TRIP11: variants seen among roughly 807,000 people sequenced by gnomAD.
The protein encoded by TRIP11 is thyroid receptor-interacting protein 11.
In TRIP11, 148 loss-of-function variants were observed where a neutral mutation model predicts 223.1. That is an observed-to-expected ratio of 0.66 (90% CI 0.58 to 0.76). TRIP11 has a LOEUF of 0.76. Ranked by LOEUF, TRIP11 falls within the 30% of genes least tolerant of loss-of-function variation. The probability of loss-of-function intolerance (pLI) is 0.00; values close to 1 mark genes in which losing one functional copy is unlikely to be tolerated. For missense variants in TRIP11, 2,043 were observed against 2,222.0 expected (o/e 0.92, Z 1.62); for synonymous variants, 762 against 772.6 (o/e 0.99, Z 0.23).
intron 4 of TRIP11, among the ~76,000 whole-genome samples, chr14:92,019,890 A>T (rs1476775411): frequency 6.6e-6 from 1 of 152,170 alleles, no homozygotes; most frequent in African/African-American, 2.4e-5. Context: ...CTATGGGTAT[A>T]AAGTTTATAT....
At chr14:91,982,293 A>G (rs2056554691) in intron 16 of TRIP11, among the ~76,000 whole-genome samples, 1 of 152,234 alleles carries the variant, frequency 6.6e-6, no homozygotes, top group East Asian at 1.9e-4. Flanking sequence ...TTTTTTAAAA[A>G]GAGTAAATAT....
rs977921800 is a variant in TRIP11, at chr14:92,039,883, C to T, written c.-198G>A. 8.2e-6 allele frequency: 9 copies of T among 1,099,410 alleles called. No individual in the cohort carries two copies. In the African/African-American group the frequency reaches 1.4e-4, roughly 17 times the overall value. 68.1% of individuals were successfully genotyped at this position (1,099,410 alleles called of 1,614,324 possible). A position where few individuals can be genotyped will look rare whatever the true frequency, so the allele number is the denominator to read the frequency against. On this transcript the variant is annotated 5_prime_UTR_variant, in exon 1 of 21. Coordinates refer to ENST00000267622, the MANE Select transcript of TRIP11 (RefSeq NM_004239.4). Reference sequence around the variant, plus strand: ...GCCTGGCCTGGAATTTTACCAGGGGCCCGCCTCTAGTGACACAGTCACCTA... The same window carrying T: ...GCCTGGCCTGGAATTTTACCAGGGGTCCGCCTCTAGTGACACAGTCACCTA...
chr14:91,976,619 G>C (rs1454277230), intron 16 of TRIP11, among the ~76,000 whole-genome samples: 1 of 152,052 alleles, frequency 6.6e-6, no homozygotes, highest in African/African-American at 2.4e-5. Context: ...TTTTTGGTGA[G>C]CTGACTAAGA....
chr14:92,025,055 T>G (rs1443375298), intron 3 of TRIP11, among the ~76,000 whole-genome samples: 1 of 152,138 alleles, frequency 6.6e-6, no homozygotes, highest in Admixed American at 6.5e-5. Context: ...ATACAAAAAC[T>G]TTTTCTTCTT....
Position 92,007,586 on chromosome 14 carries a change from TGTTTA to T in TRIP11, c.1527+49_1527+53del, listed in dbSNP as rs1320866083. 13 of 1,557,588 alleles carry T rather than the reference TGTTTA, an allele frequency of 8.3e-6. No individual in the cohort carries two copies. The African/African-American group carries it at 1.2e-4, about 15-fold the overall frequency. On this transcript the variant is annotated intron_variant, in intron 10 of 20. Coordinates refer to ENST00000267622, the MANE Select transcript of TRIP11 (RefSeq NM_004239.4). Reference sequence around the variant, plus strand: ...AATTAAATCACACCCACCATTTCTGTGTTTAGTTTACTTAGTAGAATGTGCTGCCT... The same window carrying T: ...AATTAAATCACACCCACCATTTCTGTGTTTACTTAGTAGAATGTGCTGCCT...
rs2056740213 is a variant in TRIP11, at chr14:91,995,581, A to G, written c.4893-66T>C. 33 of 1,504,350 alleles carry G rather than the reference A, an allele frequency of 2.2e-5. No individual in the cohort carries two copies. The South Asian group carries it at 3.4e-4, about 16-fold the overall frequency. 93.2% of individuals were successfully genotyped at this position (1,504,350 alleles called of 1,614,324 possible). A position where few individuals can be genotyped will look rare whatever the true frequency, so the allele number is the denominator to read the frequency against. On this transcript the variant is annotated intron_variant, in intron 13 of 20. Transcript: ENST00000267622. ...TTAGATACTTTAACAAGAAGAAGCC[A>G]CCTTCCCTACATCTTATTACTTTAT...
intron 13 of TRIP11, 61 bp from the exon 14 acceptor site, chr14:91,995,576 A>G: frequency 6.4e-7 from 1 of 1,555,906 alleles, no homozygotes; most frequent in East Asian, 2.3e-5. Context: ...TAACAAGAAG[A>G]AGCCACCTTC....
chr14:91,994,844 A>G (rs1426904056), intron 14 of TRIP11, among the ~76,000 whole-genome samples: 1 of 152,218 alleles, frequency 6.6e-6, no homozygotes, highest in African/African-American at 2.4e-5. Flanking sequence ...TCTCCAAAAA[A>G]GCACCTTCCA....
At position 91,966,869 on chromosome 14, in the gene TRIP11, G is replaced by C. The variant is rs1374864581; in HGVS notation, c.*2804C>G. 1 of 217,700 alleles carries C rather than the reference G, an allele frequency of 4.6e-6. No homozygotes were observed. The highest frequency in any genetic ancestry group is 2.3e-5 in the African/African-American group (1 of 44,414). The allele number at this position is 217,700 out of a possible 1,614,324, so 13.5% of individuals were successfully genotyped here. On this transcript the variant is annotated 3_prime_UTR_variant, in exon 21 of 21. Coordinates refer to ENST00000267622, the MANE Select transcript of TRIP11 (RefSeq NM_004239.4). ...GTGGAATTCAACCACAAATTCTACT[G>C]AGTGGATAGAGAAATAAACAGAAAA...
intron 2 of TRIP11, among the ~76,000 whole-genome samples, chr14:92,029,295 T>TA (rs1566874574): frequency 7.8e-6 from 1 of 128,070 alleles, no homozygotes; most frequent in Admixed American, 7.8e-5. Context: ...TTTTTTTTTT[T>TA]TTTTTTTTTT....
chr14:92,025,136 C>T (rs1034132718), intron 3 of TRIP11, among the ~76,000 whole-genome samples, 174 bp downstream of exon 3: 1 of 152,056 alleles, frequency 6.6e-6, no homozygotes, highest in Non-Finnish European at 1.5e-5. Flanking sequence ...GTTTACATTA[C>T]CTTACAAAGT....
At position 91,974,719 on chromosome 14, in the gene TRIP11, C is replaced by T; in HGVS notation, c.5482G>A (p.Val1828Ile). The stretch of plus-strand genomic sequence containing the variant: ...AGCCACCCAGTCATCCACCTGGTAA[C>T]ACCGCCCTGATCGTCATGAAACAAC... Reference protein sequence around the residue: ...EQLFHDDQGGVTRWMTGWLGG... With the variant: ...EQLFHDDQGGITRWMTGWLGG... Residue 1828 changes from valine (V) to isoleucine (I), a missense_variant, in exon 19 of 21, where the codon GTT becomes ATT. By Grantham distance (29) the Val-to-Ile change is conservative. Coordinates refer to ENST00000267622, the MANE Select transcript of TRIP11 (RefSeq NM_004239.4). The T allele has an allele frequency of 6.2e-7, 1 of 1,612,998 alleles. No individual in the cohort carries two copies. Among genetic ancestry groups the T allele is most frequent in the Non-Finnish European group, 8.5e-7 (1 of 1,179,774 alleles).
chr14:92,039,933 C>T lies in TRIP11; in HGVS notation c.-248G>A. The T allele has an allele frequency of 1.6e-6, 1 of 636,772 alleles. No homozygotes were observed. Among genetic ancestry groups the T allele is most frequent in the South Asian group, 2.0e-5 (1 of 51,204 alleles). The allele number at this position is 636,772 out of a possible 1,614,324, so 39.4% of individuals were successfully genotyped here. On this transcript the variant is annotated 5_prime_UTR_variant, in exon 1 of 21. In the 5' UTR this introduces an upstream ATG that the reference lacks. Coordinates refer to ENST00000267622, the MANE Select transcript of TRIP11 (RefSeq NM_004239.4). ...ACGGAGGGCCTTCTGCTCATTCCCA[C>T]GAATTCCCACCGTCCAGATTGGGCC...
chr14:92,028,108 C>A (rs1406448095), intron 2 of TRIP11, among the ~76,000 whole-genome samples: 1 of 152,124 alleles, frequency 6.6e-6, no homozygotes, highest in Non-Finnish European at 1.5e-5. Context: ...TGAAGTCAAA[C>A]CCTGGTTATA....
At chr14:92,011,842 C>T (rs1428056392) in intron 7 of TRIP11, 47 bp from the exon 8 acceptor site, 3 of 1,566,392 alleles carry the variant, frequency 1.9e-6, no homozygotes, top group African/African-American at 1.3e-5. Flanking sequence ...TTTAGAGTAA[C>T]TTATTATCTT....
chr14:92,029,213 G>T (rs1216704820), intron 2 of TRIP11, among the ~76,000 whole-genome samples: 2 of 148,050 alleles, frequency 1.4e-5, no homozygotes, highest in Non-Finnish European at 3.0e-5. Flanking sequence ...GAAAACTTAT[G>T]AAATCACCTA....
chr14:91,977,171 C>T (rs2056475761), intron 16 of TRIP11: 4 of 447,568 alleles, frequency 8.9e-6, no homozygotes, highest in South Asian at 6.4e-5. Flanking sequence ...TAGCTGGATA[C>T]AAGTTCCGTT....
intron 20 of TRIP11, among the ~76,000 whole-genome samples, chr14:91,970,960 T>C (rs2056394473): frequency 6.6e-6 from 1 of 152,208 alleles, no homozygotes; most frequent in African/African-American, 2.4e-5. Flanking sequence ...AACAGTTGAA[T>C]TAATATTTGC....
In TRIP11 at chr14:91,969,904, A is replaced by C; in HGVS notation, c.5720-11T>G. 6.2e-7 allele frequency: 1 copy of C among 1,611,292 alleles called. No individual in the cohort carries two copies. The highest frequency in any genetic ancestry group is 8.5e-7 in the Non-Finnish European group (1 of 1,178,306). ...TGGATTCTGCTGTATCTAAAGAATAAAATATGGATTTAGTCTCCTATCTTT... is the reference window on the plus strand; with the variant it reads ...TGGATTCTGCTGTATCTAAAGAATACAATATGGATTTAGTCTCCTATCTTT... On this transcript the variant is annotated splice_polypyrimidine_tract_variant and intron_variant, in intron 20 of 20. Coordinates refer to ENST00000267622, the MANE Select transcript of TRIP11 (RefSeq NM_004239.4).
Sources: gnomAD v4.1 joint callset for allele counts (sites outside exome capture counted in the v4.1 genomes callset) on GRCh38, gnomAD v4.1.1 for gene constraint, MANE v1.5 for transcripts, NCBI Gene and HGNC (gene_info 2026-07-23, HGNC 2026-07-21) for gene names.